Variants in DYNAP observed in about 807,000 individuals in gnomAD.
DYNAP encodes the protein dynactin-associated protein.
Under a neutral mutation model 8.5 loss-of-function variants are expected in DYNAP, and 7 were observed. That is an observed-to-expected ratio of 0.82 (90% CI 0.47 to 1.54). The LOEUF (loss-of-function observed/expected upper bound fraction) is 1.54. DYNAP is among the 40% of genes most tolerant of loss of function. DYNAP has a pLI of 0.01. For missense variants in DYNAP, 256 were observed against 224.3 expected (o/e 1.14, Z -0.90); for synonymous variants, 77 against 77.9 (o/e 0.99, Z 0.06).
chr18:54,576,370 AG>A, the DYNAP span, among the ~76,000 whole-genome samples: 4 of 152,310 alleles, frequency 2.6e-5, no homozygotes, highest in Non-Finnish European at 2.9e-5. Context: ...AGTAATAATG[AG>A]GGTTCAGTGG....
upstream of DYNAP, among the ~76,000 whole-genome samples, chr18:54,587,181 C>T (rs1220148607): frequency 6.6e-6 from 1 of 152,150 alleles, no homozygotes; most frequent in Non-Finnish European, 1.5e-5. Flanking sequence ...AGTCAGTTTA[C>T]TATTTCAAGT....
At chr18:54,589,028 G>A (rs1284636438), upstream of DYNAP, among the ~76,000 whole-genome samples, 2 of 152,090 alleles carry the variant, frequency 1.3e-5, no homozygotes, top group African/African-American at 4.8e-5. Context: ...AGATCACATG[G>A]CCGAAGCTGT....
intron 2 of DYNAP, among the ~76,000 whole-genome samples, chr18:54,597,209 T>A (rs1234539830): frequency 2.0e-5 from 3 of 151,858 alleles, no homozygotes; most frequent in Non-Finnish European, 2.9e-5. Context: ...CAATATGAGA[T>A]GTTGTTCTCA....
At chr18:54,575,631 G>T in the DYNAP span, among the ~76,000 whole-genome samples, 1 of 151,964 alleles carries the variant, frequency 6.6e-6, no homozygotes, top group Non-Finnish European at 1.5e-5. Flanking sequence ...AGAGACGGGG[G>T]TCTCACGATG....
chr18:54,578,683 G>A, the DYNAP span, among the ~76,000 whole-genome samples: 2 of 152,130 alleles, frequency 1.3e-5, no homozygotes, highest in African/African-American at 4.8e-5. Flanking sequence ...GGTTTTAAGA[G>A]AAAACTCTAT....
chr18:54,578,485 G>T, the DYNAP span, among the ~76,000 whole-genome samples: 2 of 152,158 alleles, frequency 1.3e-5, no homozygotes, highest in African/African-American at 2.4e-5. Flanking sequence ...ATTACTCAAG[G>T]TTTCAAATAT....
rs543824845 is a variant in DYNAP, at chr18:54,593,855, C to G, written c.58-1084C>G. 1.2e-4 allele frequency among the ~76,000 whole-genome samples: 19 copies of G among 152,196 alleles called. No individual in the cohort carries two copies. In the East Asian group the frequency reaches 2.7e-3, roughly 22 times the overall value. Reference sequence around the variant, plus strand: ...GGCTGAGATGAGAGGACTGCTTGAGCCTTGGGAGGTCGAGGTTTCAGTGAA... The same window carrying G: ...GGCTGAGATGAGAGGACTGCTTGAGGCTTGGGAGGTCGAGGTTTCAGTGAA... On this transcript the variant is annotated intron_variant, in intron 1 of 2. Transcript: ENST00000648945.
At chr18:54,590,508 C>T (rs1911027682), upstream of DYNAP, among the ~76,000 whole-genome samples, 2 of 151,928 alleles carry the variant, frequency 1.3e-5, no homozygotes, top group Non-Finnish European at 2.9e-5. Context: ...ATTCAGAATC[C>T]AAAAGTGTCA....
chr18:54,597,925 A>G lies in DYNAP; in HGVS notation c.335A>G (p.Asn112Ser). 8.7e-6 allele frequency: 14 copies of G among 1,613,610 alleles called. No homozygotes were observed. Among genetic ancestry groups the G allele is most frequent in the Non-Finnish European group, 1.2e-5 (14 of 1,179,756 alleles). Residue 112 changes from asparagine to serine, a missense_variant, in exon 3 of 3, where the codon AAC becomes AGC. Transcript: ENST00000648945. ...IGVLIICLVNNKGSANSSIVI... is the reference protein window; with the variant it reads ...IGVLIICLVNSKGSANSSIVI... ...GTACTTATAATATGCTTGGTGAATAACAAAGGATCGGCCAATTCCTCCATT... is the reference window on the plus strand; with the variant it reads ...GTACTTATAATATGCTTGGTGAATAGCAAAGGATCGGCCAATTCCTCCATT...
chr18:54,595,212 A>G (rs1911241063), intron 2 of DYNAP, 109 bp downstream of exon 2: 1 of 1,257,372 alleles, frequency 8.0e-7, no homozygotes, highest in Non-Finnish European at 1.1e-6. Context: ...ATTCATTTAT[A>G]TTTGTATTAA....
intron 1 of DYNAP, among the ~76,000 whole-genome samples, chr18:54,593,555 T>C (rs1172253748): frequency 6.6e-6 from 1 of 152,156 alleles, no homozygotes; most frequent in African/African-American, 2.4e-5. Flanking sequence ...ATAACCTTGA[T>C]TCACAGCTAG....
the DYNAP span, among the ~76,000 whole-genome samples, chr18:54,582,149 G>T: frequency 6.6e-6 from 1 of 152,268 alleles, no homozygotes; most frequent in Non-Finnish European, 1.5e-5. Flanking sequence ...AGCCAAGCGT[G>T]GTGGCAGGTG....
At chr18:54,575,805 G>GCA in the DYNAP span, among the ~76,000 whole-genome samples, 3 of 151,154 alleles carry the variant, frequency 2.0e-5, no homozygotes, top group African/African-American at 2.4e-5. Context: ...AACATAACAT[G>GCA]CACACACACA....
intron 2 of DYNAP, among the ~76,000 whole-genome samples, chr18:54,595,839 G>A (rs919247580): frequency 1.3e-5 from 2 of 152,090 alleles, no homozygotes; most frequent in African/African-American, 4.8e-5. Context: ...TCGCTGCTTA[G>A]TCTTGCTATA....
upstream of DYNAP, chr18:54,587,992 A>G (rs1340679089): frequency 1.8e-5 from 7 of 393,782 alleles, no homozygotes; most frequent in East Asian, 3.6e-5. Context: ...TCTAATTCCA[A>G]CATACAAAAA....
intron 2 of DYNAP, among the ~76,000 whole-genome samples, chr18:54,597,186 A>G (rs1010905834): frequency 3.3e-5 from 5 of 152,098 alleles, no homozygotes; most frequent in African/African-American, 9.7e-5. Flanking sequence ...GTTATTTTTA[A>G]TCTTCTCAAC....
upstream of DYNAP, among the ~76,000 whole-genome samples, chr18:54,589,277 A>G (rs1910982509): frequency 6.6e-6 from 1 of 152,188 alleles, no homozygotes; most frequent in Admixed American, 6.5e-5. Flanking sequence ...GTCAGCCAAC[A>G]AGACTTTCAG....
At chr18:54,593,206 T>C (rs2144888185) in intron 1 of DYNAP, among the ~76,000 whole-genome samples, 1 of 152,260 alleles carries the variant, frequency 6.6e-6, no homozygotes, top group South Asian at 2.1e-4. Flanking sequence ...GACAATTTTA[T>C]ATTTTTGTAT....
chr18:54,580,517 G>A, the DYNAP span, among the ~76,000 whole-genome samples: 8 of 152,180 alleles, frequency 5.3e-5, no homozygotes, highest in Non-Finnish European at 8.8e-5. Flanking sequence ...CACATCAGCT[G>A]AGACAGCACA....
Sources: allele counts gnomAD v4.1 joint callset (sites outside exome capture counted in the v4.1 genomes callset), GRCh38; gene constraint gnomAD v4.1.1; transcripts MANE v1.5; gene names NCBI Gene and HGNC (gene_info 2026-07-23, HGNC 2026-07-21).